The following DLG2 variants were observed in gnomAD, a reference collection of about 807,000 sequenced individuals.
DLG2 encodes disks large homolog 2.
A neutral mutation model predicts 132.5 loss-of-function variants in DLG2; 45 were observed. The observed-to-expected ratio is 0.34, with a 90% CI of 0.27 to 0.44. The LOEUF (loss-of-function observed/expected upper bound fraction) is 0.44. Ranked by LOEUF, DLG2 falls within the 20% of genes least tolerant of loss-of-function variation. DLG2 has a pLI of 1.00. For synonymous variants in DLG2, 424 were observed against 419.6 expected (o/e 1.01, Z -0.13); for missense variants, 1,045 against 1,196.9 (o/e 0.87, Z 1.87).
chr11:84,717,962 T>G (rs2061410542), intron 6 of DLG2, among the ~76,000 whole-genome samples: 1 of 152,046 alleles, frequency 6.6e-6, no homozygotes, highest in African/African-American at 2.4e-5. Flanking sequence ...AAATTTAGCT[T>G]TGAAACTTAA....
At chr11:83,668,045 T>C (rs1205965150) in intron 18 of DLG2, among the ~76,000 whole-genome samples, 1 of 143,848 alleles carries the variant, frequency 7.0e-6, no homozygotes, top group African/African-American at 2.6e-5. Context: ...CCAGTCACTT[T>C]GCAATTTTCT....
chr11:85,024,630 G>A (rs2060362193), intron 6 of DLG2, among the ~76,000 whole-genome samples: 2 of 152,168 alleles, frequency 1.3e-5, no homozygotes, highest in South Asian at 4.1e-4. Flanking sequence ...AAAAAATAGT[G>A]CCAGTTGTTA....
intron 3 of DLG2, among the ~76,000 whole-genome samples, chr11:85,553,786 C>T (rs1436463401): frequency 2.0e-5 from 3 of 150,822 alleles, no homozygotes; most frequent in Non-Finnish European, 4.4e-5. Context: ...AATTGGAGAA[C>T]AAAAGTAAAA....
chr11:83,477,164 G>A (rs976249546), intron 22 of DLG2, among the ~76,000 whole-genome samples: 4 of 152,198 alleles, frequency 2.6e-5, no homozygotes, highest in Admixed American at 2.6e-4. Context: ...TTTGAGGAAG[G>A]CATGTCTTCA....
chr11:83,700,315 A>C (rs528224926), intron 18 of DLG2, among the ~76,000 whole-genome samples: 1 of 152,238 alleles, frequency 6.6e-6, no homozygotes, highest in South Asian at 2.1e-4. Context: ...TCAAGGGCCA[A>C]AGAGAGGTGG....
chr11:85,616,317 A>G (rs2081337442), intron 2 of DLG2, among the ~76,000 whole-genome samples: 1 of 152,206 alleles, frequency 6.6e-6, no homozygotes, highest in Non-Finnish European at 1.5e-5. Flanking sequence ...GGGGGAAAAA[A>G]GCATTAAATC....
At chr11:84,771,134 C>A (rs1191130569) in intron 6 of DLG2, among the ~76,000 whole-genome samples, 1 of 152,132 alleles carries the variant, frequency 6.6e-6, no homozygotes, top group Non-Finnish European at 1.5e-5. Context: ...GGTATACACT[C>A]AGTCGTGGGA....
chr11:85,058,735 C>A (rs977549256), intron 6 of DLG2, among the ~76,000 whole-genome samples: 1 of 151,376 alleles, frequency 6.6e-6, no homozygotes. Flanking sequence ...TATAAGGTTA[C>A]TTAATATACA....
At chr11:83,661,112 C>T (rs868237271) in intron 18 of DLG2, among the ~76,000 whole-genome samples, 4 of 152,074 alleles carry the variant, frequency 2.6e-5, no homozygotes, top group South Asian at 2.1e-4. Context: ...ACCAGTTCTC[C>T]TGCTTTGCCC....
intron 19 of DLG2, among the ~76,000 whole-genome samples, chr11:83,568,139 A>G (rs638746): frequency 0.47 from 72,158 of 152,022 alleles, 17,739 homozygotes; most frequent in Admixed American, 0.57. Flanking sequence ...TGCTGTTGCA[A>G]GAGGACGCAA....
intron 18 of DLG2, among the ~76,000 whole-genome samples, chr11:83,679,839 A>G (rs1303096071): frequency 1.4e-4 from 22 of 152,124 alleles, no homozygotes; most frequent in Admixed American, 1.3e-3. Flanking sequence ...TGCAGACAAT[A>G]ATACTTGGTT....
intron 6 of DLG2, among the ~76,000 whole-genome samples, chr11:84,868,316 G>C (rs1445635775): frequency 6.6e-6 from 1 of 151,716 alleles, no homozygotes; most frequent in Non-Finnish European, 1.5e-5. Context: ...ATTTGCAGTA[G>C]TAAATAAGTA....
At chr11:84,899,960 A>C (rs1251743228) in intron 6 of DLG2, among the ~76,000 whole-genome samples, 1 of 152,060 alleles carries the variant, frequency 6.6e-6, no homozygotes, top group African/African-American at 2.4e-5. Flanking sequence ...TAGTGGCCTG[A>C]AAGAGTTAAT....
Position 83,456,665 on chromosome 11 carries a change from A to AAT in DLG2, c.*3152_*3153insAT, listed in dbSNP as rs397749847. ...GAAAAGGAGAGGAACAAAAAAAAAA[A>AAT]GAGATGGAATTAGTCGGAAGTAGAA... On this transcript the variant is annotated 3_prime_UTR_variant, in exon 28 of 28. Transcript: ENST00000376104. 1 of 149,898 alleles carries AAT rather than the reference A, an allele frequency of 6.7e-6. No individual in the cohort carries two copies. Among genetic ancestry groups the AAT allele is most frequent in the Non-Finnish European group, 1.5e-5 (1 of 67,446 alleles). The allele number at this position is 149,898 out of a possible 1,614,324, so 9.3% of individuals were successfully genotyped here.
chr11:84,817,517 T>TAG (rs2077203712), intron 6 of DLG2, among the ~76,000 whole-genome samples: 1 of 151,992 alleles, frequency 6.6e-6, no homozygotes. Context: ...GGGGTTGTTT[T>TAG]AGAGAGAACA....
At chr11:84,537,685 T>C (rs1221610737) in intron 6 of DLG2, among the ~76,000 whole-genome samples, 1 of 152,232 alleles carries the variant, frequency 6.6e-6, no homozygotes, top group African/African-American at 2.4e-5. Context: ...GTATTTTCTG[T>C]GTTTTTCCAC....
At chr11:84,910,762 AAACAACAACAACAACAACAAC>A (rs59825403) in intron 6 of DLG2, among the ~76,000 whole-genome samples, 2 of 141,410 alleles carry the variant, frequency 1.4e-5, no homozygotes, top group African/African-American at 5.0e-5. Flanking sequence ...AAGGAAGAAA[AAACAACAACAACAACAACAAC>A]AACAACAACA....
intron 3 of DLG2, among the ~76,000 whole-genome samples, chr11:85,476,452 C>G (rs752806947): frequency 1.3e-5 from 2 of 151,826 alleles, no homozygotes; most frequent in Non-Finnish European, 2.9e-5. Context: ...ATAAATTAAA[C>G]TTAGCTTACT....
chr11:84,581,912 CAAAA>C (rs780759635), intron 6 of DLG2, among the ~76,000 whole-genome samples: 4 of 64,984 alleles, frequency 6.2e-5, no homozygotes, highest in Admixed American at 2.0e-4. Context: ...TCTCAAAAAC[CAAAA>C]AAAAAAAAAA....
Sources: allele counts gnomAD v4.1 joint callset (sites outside exome capture counted in the v4.1 genomes callset), GRCh38; gene constraint gnomAD v4.1.1; transcripts MANE v1.5; gene names NCBI Gene and HGNC (gene_info 2026-07-23, HGNC 2026-07-21).